Variants in CPQ observed in about 807,000 individuals in gnomAD.
The protein encoded by CPQ is carboxypeptidase Q, also known as Ser-Met dipeptidase.
Under a neutral mutation model 45.7 loss-of-function variants are expected in CPQ, and 37 were observed. The observed-to-expected ratio is 0.81, with a 90% CI of 0.62 to 1.07. The LOEUF is 1.07. Among genes scored for constraint, CPQ ranks in the 50% least tolerant of loss-of-function variants. The pLI is 0.00. For synonymous variants in CPQ, 186 were observed against 205.8 expected (o/e 0.90, Z 0.82); for missense variants, 537 against 572.9 (o/e 0.94, Z 0.64).
At chr8:97,073,096 A>G (rs191594994) in intron 7 of CPQ, among the ~76,000 whole-genome samples, 67 of 152,316 alleles carry the variant, frequency 4.4e-4, no homozygotes, top group African/African-American at 1.4e-3. Flanking sequence ...TGTTGTTTTA[A>G]AAATCATATT....
intron 1 of CPQ, among the ~76,000 whole-genome samples, chr8:96,740,400 A>G (rs1374827612): frequency 3.3e-5 from 5 of 152,088 alleles, no homozygotes; most frequent in South Asian, 2.1e-4. Flanking sequence ...CAATCATGTC[A>G]TCTGCAAACA....
At chr8:97,060,020 A>T (rs1810520827) in intron 6 of CPQ, among the ~76,000 whole-genome samples, 1 of 152,142 alleles carries the variant, frequency 6.6e-6, no homozygotes, top group South Asian at 2.1e-4. Flanking sequence ...AACATGAGAA[A>T]ATACGTTTAT....
chr8:96,859,348 A>G (rs1441686995), intron 3 of CPQ, among the ~76,000 whole-genome samples: 1 of 152,234 alleles, frequency 6.6e-6, no homozygotes, highest in East Asian at 1.9e-4. Context: ...GCTTCTGAAC[A>G]TGACAAATAA....
chr8:96,980,167 C>G (rs971516624), intron 5 of CPQ, among the ~76,000 whole-genome samples: 1 of 152,170 alleles, frequency 6.6e-6, no homozygotes, highest in African/African-American at 2.4e-5. Context: ...GAGTCTCGCT[C>G]TGTTGCCCAG....
intron 1 of CPQ, among the ~76,000 whole-genome samples, chr8:96,663,051 A>G (rs1423439079): frequency 6.6e-6 from 1 of 152,146 alleles, no homozygotes; most frequent in Non-Finnish European, 1.5e-5. Flanking sequence ...CTTTCAAGTC[A>G]TTTTTCCAAA....
At chr8:96,677,062 TTTAC>T (rs372162229) in intron 1 of CPQ, among the ~76,000 whole-genome samples, 219 of 152,282 alleles carry the variant, frequency 1.4e-3, no homozygotes, top group African/African-American at 4.8e-3. Flanking sequence ...ATTTTCTTTA[TTTAC>T]TTGTTGTTTG....
intron 7 of CPQ, among the ~76,000 whole-genome samples, chr8:97,111,272 C>A (rs1454178555): frequency 6.6e-6 from 1 of 152,206 alleles, no homozygotes; most frequent in Non-Finnish European, 1.5e-5. Context: ...TAGAAGCTGT[C>A]TTCAAGGCCT....
At chr8:96,924,060 C>G (rs1812842388) in intron 4 of CPQ, among the ~76,000 whole-genome samples, 1 of 152,148 alleles carries the variant, frequency 6.6e-6, no homozygotes, top group South Asian at 2.1e-4. Flanking sequence ...AGCCTTAGTA[C>G]TGGAGAGAGC....
chr8:96,966,393 A>G (rs1813564080), intron 5 of CPQ, among the ~76,000 whole-genome samples: 1 of 152,226 alleles, frequency 6.6e-6, no homozygotes, highest in Non-Finnish European at 1.5e-5. Context: ...TATTCATCTT[A>G]ACACATTATC....
chr8:96,682,862 A>C (rs1809169400), intron 1 of CPQ, among the ~76,000 whole-genome samples: 1 of 152,208 alleles, frequency 6.6e-6, no homozygotes, highest in African/African-American at 2.4e-5. Flanking sequence ...TCTTGGAGAC[A>C]GCATAAAATT....
chr8:96,893,904 T>C (rs935862901), intron 4 of CPQ, among the ~76,000 whole-genome samples: 1 of 152,230 alleles, frequency 6.6e-6, no homozygotes, highest in Non-Finnish European at 1.5e-5. Flanking sequence ...CCGAATTCTC[T>C]TCCCCTGCAT....
intron 4 of CPQ, among the ~76,000 whole-genome samples, chr8:96,933,008 G>C (rs2130919899): frequency 6.6e-6 from 1 of 152,148 alleles, no homozygotes; most frequent in East Asian, 1.9e-4. Context: ...TATTCTCTAA[G>C]AATTGCCACA....
At chr8:97,128,671 C>T (rs949414064) in intron 7 of CPQ, among the ~76,000 whole-genome samples, 9 of 152,044 alleles carry the variant, frequency 5.9e-5, no homozygotes, top group African/African-American at 1.7e-4. Flanking sequence ...GGCAACAGAG[C>T]GAAACTCTGT....
At chr8:96,656,614 G>A (rs116644429) in intron 1 of CPQ, among the ~76,000 whole-genome samples, 1,778 of 152,252 alleles carry the variant, frequency 0.012, 45 homozygotes, top group African/African-American at 0.039. Context: ...TCTGCGTCAG[G>A]CAATTCCAAC....
At chr8:96,965,033 T>C (rs190704312) in intron 4 of CPQ, among the ~76,000 whole-genome samples, 249 of 152,320 alleles carry the variant, frequency 1.6e-3, no homozygotes, top group Non-Finnish European at 3.0e-3. Flanking sequence ...TTTAAACCTG[T>C]GATGATTTCA....
At chr8:96,654,120 T>C (rs1815610802) in intron 1 of CPQ, among the ~76,000 whole-genome samples, 1 of 152,232 alleles carries the variant, frequency 6.6e-6, no homozygotes, top group Admixed American at 6.5e-5. Context: ...TTGGTACTTT[T>C]ATATCCTCCT....
chr8:96,666,085 G>A (rs1302148203), intron 1 of CPQ, among the ~76,000 whole-genome samples: 3 of 151,894 alleles, frequency 2.0e-5, no homozygotes, highest in African/African-American at 7.3e-5. Flanking sequence ...GAATGGATGA[G>A]TCAAAGCAAG....
At chr8:96,727,097 C>G (rs753658829) in intron 1 of CPQ, among the ~76,000 whole-genome samples, 4 of 152,112 alleles carry the variant, frequency 2.6e-5, no homozygotes, top group African/African-American at 4.8e-5. Flanking sequence ...TTGTGCATAT[C>G]TCTTTTTGTA....
At chr8:96,983,276 A>G (rs971035943) in intron 5 of CPQ, among the ~76,000 whole-genome samples, 1 of 151,950 alleles carries the variant, frequency 6.6e-6, no homozygotes, top group Admixed American at 6.6e-5. Flanking sequence ...ATTAATTTTC[A>G]GTCTTTCTTA....
Sources: allele counts gnomAD v4.1 joint callset (sites outside exome capture counted in the v4.1 genomes callset), GRCh38; gene constraint gnomAD v4.1.1; transcripts MANE v1.5; gene names NCBI Gene and HGNC (gene_info 2026-07-23, HGNC 2026-07-21).